The following PKD1 variants were observed in gnomAD, a reference collection of about 807,000 sequenced individuals.
PKD1 encodes the protein polycystin-1.
Under a neutral mutation model 361.7 loss-of-function variants are expected in PKD1, and 81 were observed. The observed-to-expected ratio is 0.22, with a 90% CI of 0.19 to 0.27. PKD1 has a LOEUF of 0.27. Ranked by LOEUF, PKD1 falls within the 10% of genes least tolerant of loss-of-function variation. The pLI, the probability that PKD1 is intolerant of heterozygous loss-of-function variation, is 1.00. For synonymous variants in PKD1, 3,615 were observed against 2,818.3 expected (o/e 1.28, Z -8.95); for missense variants, 6,399 against 6,118.3 (o/e 1.05, Z -1.53).
At position 2,109,957 on chromosome 16, in the gene PKD1, G is replaced by A. The variant is rs773343118; in HGVS notation, c.5210C>T (p.Thr1737Ile). ...GCCACCAGCCAGCTCGGCACTGAGG[G>A]TGACGCTTGTGTTGACGGCAGCTGG... is the stretch of plus-strand genomic sequence containing the variant. ...PNPAAVNTSVTLSAELAGGSG... is the reference protein window; with the variant it reads ...PNPAAVNTSVILSAELAGGSG... Residue 1737 changes from threonine (T) to isoleucine (I), a missense_variant, in exon 15 of 46, where the codon ACC becomes ATC. Physicochemically the swap from Thr to Ile is moderately conservative, Grantham distance 89. Transcript: ENST00000262304. The A allele has an allele frequency of 5.0e-6, 8 of 1,609,908 alleles. No homozygotes were observed. The African/African-American group carries it at 5.3e-5, about 11-fold the overall frequency.
At chr16:2,123,556 C>T (rs1567223501) in intron 1 of PKD1, 1 of 455,420 alleles carries the variant, frequency 2.2e-6, no homozygotes. Context: ...AGCCTCGCGC[C>T]AGCCCCCCCA....
chr16:2,110,230 G>A lies in PKD1; in HGVS notation c.4937C>T (p.Thr1646Ile). 1 of 1,612,128 alleles carries A rather than the reference G, an allele frequency of 6.2e-7. No homozygotes were observed. Among genetic ancestry groups the A allele is most frequent in the South Asian group, 1.1e-5 (1 of 91,050 alleles). Residue 1646 changes from threonine to isoleucine, a missense_variant, in exon 15 of 46, where the codon ACC becomes ATC. Thr to Ile is a moderately conservative substitution (Grantham distance 89). Coordinates refer to ENST00000262304, the MANE Select transcript of PKD1 (RefSeq NM_001009944.3). ...GGCCTGCAGCTGTACCGTGTGGTTG[G>A]TGGGGAAGTAGCGGCCACCGCCCAC... ...QVVGGGRYFP[T>I]NHTVQLQAVV...
intron 34 of PKD1, 84 bp from the exon 35 acceptor site, chr16:2,094,294 T>A: frequency 1.2e-6 from 1 of 855,202 alleles, no homozygotes; most frequent in Non-Finnish European, 2.0e-6. Context: ...GGCGGGCAGT[T>A]TCTTGAGCCT....
Position 2,100,656 on chromosome 16 carries a change from G to A in PKD1, c.9398-90C>T, listed in dbSNP as rs1444349594. On this transcript the variant is annotated intron_variant, in intron 26 of 45. Transcript: ENST00000262304. The surrounding 1 kb of genome is among the most constrained non-coding windows in gnomAD (Gnocchi z 4.4). ...AAGTCATCTCAGCTTTGGCCTGTGC[G>A]CACTCAAGGAGCCACACAGGCAGTC... is the stretch of plus-strand genomic sequence containing the variant. 28 of 1,167,516 alleles carry A rather than the reference G, an allele frequency of 2.4e-5. No individual in the cohort carries two copies. The highest frequency in any genetic ancestry group is 7.3e-5 in the Admixed American group (4 of 54,512). The allele number at this position is 1,167,516 out of a possible 1,614,324, so 72.3% of individuals were successfully genotyped here.
chr16:2,103,777 C>T lies in PKD1; in HGVS notation c.8280G>A (p.Met2760Ile). The T allele has an allele frequency of 6.2e-7, 1 of 1,609,676 alleles. No individual in the cohort carries two copies. Among genetic ancestry groups the T allele is most frequent in the South Asian group, 1.1e-5 (1 of 90,934 alleles). ...GCACGCGGGAGCGCATGAGGATGCG[C>T]ATGAGGGCAGAGGTCAGGTTGTAGG... Reference protein sequence around the residue: ...SQAYNLTSALMRILMRSRVLN... With the variant: ...SQAYNLTSALIRILMRSRVLN... The change falls in exon 23 of 46, where the codon ATG becomes ATA. Residue 2760 changes from methionine (M) to isoleucine (I), a missense_variant. Transcript: ENST00000262304.
In PKD1 at chr16:2,093,040, C is replaced by T. The variant is rs779963111; in HGVS notation, c.11070G>A (p.Gly3690=). ...FLLVTLLASY[G]DASCHGHAYR... ...AGGCGTGCCCATGGCATGAGGCATCCCCATAGCTGGCCAGCAGGGTCACCA... is the reference window on the plus strand; with the variant it reads ...AGGCGTGCCCATGGCATGAGGCATCTCCATAGCTGGCCAGCAGGGTCACCA... The change falls in exon 38 of 46, where the codon GGG becomes GGA. Residue 3690 remains glycine, a synonymous_variant. Coordinates refer to ENST00000262304, the MANE Select transcript of PKD1 (RefSeq NM_001009944.3). The T allele has an allele frequency of 1.9e-6, 3 of 1,612,882 alleles. No homozygotes were observed. Among genetic ancestry groups the T allele is most frequent in the Non-Finnish European group, 2.5e-6 (3 of 1,179,962 alleles).
rs183748315 is a variant in PKD1 at position 2,115,949 on chromosome 16, C to T, written c.1849+43G>A. The stretch of plus-strand genomic sequence containing the variant: ...AAAGCTCAGAGAGGCCACCCCGAGT[C>T]CTGCGGCGCCCACCACCCACCACCC... On this transcript the variant is annotated intron_variant, in intron 9 of 45. Transcript: ENST00000262304. 2.3e-3 allele frequency: 3,609 copies of T among 1,538,664 alleles called. 56 individuals are homozygous for T. The African/African-American group carries it at 0.039, about 16-fold the overall frequency.
At chr16:2,101,086 C>T (rs1221367409) in intron 26 of PKD1, among the ~76,000 whole-genome samples, 5 of 151,956 alleles carry the variant, frequency 3.3e-5, no homozygotes, top group Non-Finnish European at 5.9e-5. Flanking sequence ...CCCGGGTTCA[C>T]GCCATTCTCC....
In PKD1 at chr16:2,111,327, G is replaced by A. The variant is rs768795494; in HGVS notation, c.3840C>T (p.Ala1280=). The A allele has an allele frequency of 3.3e-5, 53 of 1,608,316 alleles. No individual in the cohort carries two copies. In the East Asian group the frequency reaches 6.0e-4, roughly 18 times the overall value. Residue 1280 remains alanine (A), a synonymous_variant, in exon 15 of 46, where the codon GCC becomes GCT. Transcript: ENST00000262304. The stretch of plus-strand genomic sequence containing the variant: ...CGTGCAGGCTCCGGGCCAGGTGGCC[G>A]GCGGGGCTGGCCGCACCCACGGTCA... ...CTVTVGAASP[A]GHLARSLHVL... is the part of the protein sequence containing the mutation.
chr16:2,116,670 C>G (rs750736747), intron 7 of PKD1, 26 bp from the exon 8 acceptor site: 6 of 1,371,108 alleles, frequency 4.4e-6, no homozygotes, highest in African/African-American at 2.9e-5. Flanking sequence ...CACAGTGAGG[C>G]GCCGGGCCAG....
In PKD1 at chr16:2,100,723, A is replaced by G. The variant is rs2151743242; in HGVS notation, c.9398-157T>C. On this transcript the variant is annotated intron_variant, in intron 26 of 45. Transcript: ENST00000262304. This position sits in a 1 kb window ranked among gnomAD's most constrained non-coding sequence, Gnocchi z 4.4. ...CTGCCATACACAAGGAGCTGCGGTT[A>G]CTGCAATTTGTCCAATTAACAGCAG... is the stretch of plus-strand genomic sequence containing the variant. 3.2e-6 allele frequency: 2 copies of G among 632,826 alleles called. No individual in the cohort carries two copies. The highest frequency in any genetic ancestry group is 3.7e-5 in the South Asian group (2 of 53,488). 39.2% of individuals were successfully genotyped at this position (632,826 alleles called of 1,614,324 possible). A position where few individuals can be genotyped will look rare whatever the true frequency, so the allele number is the denominator to read the frequency against.
chr16:2,094,009 C>G lies in PKD1; in HGVS notation c.10623G>C (p.Leu3541=), dbSNP rs1439942238. The G allele has an allele frequency of 1.3e-6, 2 of 1,590,238 alleles. No individual in the cohort carries two copies. The highest frequency in any genetic ancestry group is 1.7e-6 in the Non-Finnish European group (2 of 1,169,816). ...GCAGGCGCTTCCGCAGACCCTCCAC[C>G]AGTCCTGGGGAAGCAGAGACAGACC... ...PQAARLSRTG[L]VEGLRKRLLP... Residue 3541 remains leucine, a synonymous_variant, in exon 36 of 46, where the codon CTG becomes CTC. Transcript: ENST00000262304.
chr16:2,130,667 C>G (rs972527028), intron 1 of PKD1, among the ~76,000 whole-genome samples: 1 of 152,196 alleles, frequency 6.6e-6, no homozygotes, highest in Non-Finnish European at 1.5e-5. Context: ...CTGGCAGTTG[C>G]GCTCTAAGGC....
intron 1 of PKD1, among the ~76,000 whole-genome samples, chr16:2,132,233 A>G (rs1195321970): frequency 6.8e-6 from 1 of 147,360 alleles, no homozygotes; most frequent in African/African-American, 2.5e-5. Flanking sequence ...CTGGGCAACA[A>G]GAGCGAAACT....
At chr16:2,094,355 C>T (rs1041901531) in intron 34 of PKD1, 145 bp from the exon 35 acceptor site, 9 of 681,920 alleles carry the variant, frequency 1.3e-5, no homozygotes, top group Non-Finnish European at 2.1e-5. Context: ...CTACCCCAAA[C>T]GAGAGTGGGA....
At chr16:2,115,226 G>A (rs921773568) in intron 10 of PKD1, 152 bp downstream of exon 10, 41 of 1,042,438 alleles carry the variant, frequency 3.9e-5, no homozygotes, top group East Asian at 3.4e-4. Context: ...AGAGGGCCGA[G>A]GGCACTGCAG....
rs762007488 is a variant in PKD1, at chr16:2,091,603, C to T, written c.11538-6G>A. 5 of 1,559,944 alleles carry T rather than the reference C, an allele frequency of 3.2e-6. No homozygotes were observed. In the South Asian group the frequency reaches 3.5e-5, roughly 11 times the overall value. On this transcript the variant is annotated splice_polypyrimidine_tract_variant and splice_region_variant and intron_variant, in intron 41 of 45. Coordinates refer to ENST00000262304, the MANE Select transcript of PKD1 (RefSeq NM_001009944.3). ...CCAGGAACACAGCGCGGCTCCTGCGCAGAGGGTGCGGGTCAGTAGGAGCGG... is the reference window on the plus strand; with the variant it reads ...CCAGGAACACAGCGCGGCTCCTGCGTAGAGGGTGCGGGTCAGTAGGAGCGG...
intron 1 of PKD1, among the ~76,000 whole-genome samples, chr16:2,124,519 T>C (rs373438094): frequency 4.6e-5 from 7 of 152,178 alleles, no homozygotes; most frequent in African/African-American, 1.7e-4. Context: ...ACAGTGGGAC[T>C]GAGGAGAACT....
Position 2,111,134 on chromosome 16 carries a change from C to T in PKD1, c.4033G>A (p.Val1345Met), listed in dbSNP as rs1395233999. 1 of 1,610,878 alleles carries T rather than the reference C, an allele frequency of 6.2e-7. No individual in the cohort carries two copies. The highest frequency in any genetic ancestry group is 8.5e-7 in the Non-Finnish European group (1 of 1,179,772). The change falls in exon 15 of 46, where the codon GTG (valine) becomes ATG (methionine). Residue 1345 changes from valine (V) to methionine (M), a missense_variant. Physicochemically the swap from Val to Met is conservative, Grantham distance 21 (BLOSUM62 1). Transcript: ENST00000262304. ...CCGCTCCGCGTGAAGTTGTGTGTCA[C>T]CGTCGGGCACCCCCGCACGGTCGTG... ...SNTTVRGCPTVTHNFTRSGTF... is the reference protein window; with the variant it reads ...SNTTVRGCPTMTHNFTRSGTF...
Sources: allele counts gnomAD v4.1 joint callset (sites outside exome capture counted in the v4.1 genomes callset), GRCh38; gene constraint gnomAD v4.1.1; non-coding constraint Gnocchi (gnomAD v3.1); transcripts MANE v1.5; gene names NCBI Gene and HGNC (gene_info 2026-07-23, HGNC 2026-07-21).